The following TFDP2 variants were observed in gnomAD, a reference collection of about 807,000 sequenced individuals.
TFDP2 encodes transcription factor Dp-2.
Under a neutral mutation model 59.3 loss-of-function variants are expected in TFDP2, and 17 were observed. The ratio of observed to expected loss-of-function variants is 0.29; its 90% CI spans 0.20 to 0.43. TFDP2 has a LOEUF of 0.43. TFDP2 is among the 20% of genes least tolerant of loss of function. The pLI, the probability that TFDP2 is intolerant of heterozygous loss-of-function variation, is 1.00. For synonymous variants in TFDP2, 180 were observed against 194.7 expected (o/e 0.92, Z 0.63); for missense variants, 391 against 528.8 (o/e 0.74, Z 2.56).
At chr3:142,063,541 A>G (rs1397183102) in intron 3 of TFDP2, among the ~76,000 whole-genome samples, 1 of 152,242 alleles carries the variant, frequency 6.6e-6, no homozygotes. Flanking sequence ...GTCTGTGTCT[A>G]CATTAATCAA....
intron 1 of TFDP2, among the ~76,000 whole-genome samples, chr3:142,126,982 TAAA>T (rs989899110): frequency 6.7e-6 from 1 of 149,640 alleles, no homozygotes; most frequent in African/African-American, 2.4e-5. Flanking sequence ...AAAATGATGT[TAAA>T]AAGATAAAAA....
In TFDP2 at chr3:141,948,733, CAA is replaced by C. The variant is rs529345628; in HGVS notation, c.*3778_*3779del. On this transcript the variant is annotated 3_prime_UTR_variant, in exon 13 of 13. Transcript: ENST00000489671. ...CTGCTGTCTCTATGACCCAAGTAGC[CAA>C]AAAGAGTTGTGGTTTAGCAAACAGT... 6.6e-6 allele frequency: 1 copy of C among 151,904 alleles called. No homozygotes were observed. The highest frequency in any genetic ancestry group is 2.1e-4 in the South Asian group (1 of 4,816). 9.4% of individuals were successfully genotyped at this position (151,904 alleles called of 1,614,324 possible). A position where few individuals can be genotyped will look rare whatever the true frequency, so the allele number is the denominator to read the frequency against.
chr3:141,962,931 TTTG>T (rs1937530969), intron 10 of TFDP2, among the ~76,000 whole-genome samples: 1 of 152,196 alleles, frequency 6.6e-6, no homozygotes. Context: ...AGGCTGACCT[TTTG>T]TAACAGCAGC....
Position 141,945,017 on chromosome 3 carries a change from G to A in TFDP2, c.*7496C>T, listed in dbSNP as rs1370657647. ...GGCACCACGATGTATCCTTCATGCA[G>A]AAAAAAGGAGAACTATATTTTCTGG... On this transcript the variant is annotated 3_prime_UTR_variant, in exon 13 of 13. Coordinates refer to ENST00000489671, the MANE Select transcript of TFDP2 (RefSeq NM_001178139.2). 6.6e-6 allele frequency: 1 copy of A among 151,960 alleles called. No individual in the cohort carries two copies. Among genetic ancestry groups the A allele is most frequent in the Non-Finnish European group, 1.5e-5 (1 of 67,976 alleles). The allele number at this position is 151,960 out of a possible 1,614,324, so 9.4% of individuals were successfully genotyped here. A position where few individuals can be genotyped will look rare whatever the true frequency, so the allele number is the denominator to read the frequency against.
chr3:141,955,457 A>G lies in TFDP2; in HGVS notation c.1052-2441T>C, dbSNP rs1401866135. On this transcript the variant is annotated intron_variant, in intron 11 of 12. Coordinates refer to ENST00000489671, the MANE Select transcript of TFDP2 (RefSeq NM_001178139.2). Reference sequence around the variant, plus strand: ...TTATTCAGATTCTGCTGGCCTTCCAATGACACAGCAGGACCCAGGCTGGAG... The same window carrying G: ...TTATTCAGATTCTGCTGGCCTTCCAGTGACACAGCAGGACCCAGGCTGGAG... 3.9e-5 allele frequency among the ~76,000 whole-genome samples: 6 copies of G among 152,322 alleles called. No individual in the cohort carries two copies. In the East Asian group the frequency reaches 9.6e-4, roughly 24 times the overall value.
chr3:142,007,333 G>A (rs144896433), intron 3 of TFDP2, among the ~76,000 whole-genome samples: 12 of 152,226 alleles, frequency 7.9e-5, no homozygotes, highest in African/African-American at 2.9e-4. Context: ...ATATGACTGA[G>A]CCCTCTTATA....
rs995664269 is a variant in TFDP2 at position 141,998,037 on chromosome 3, A to C, written c.187-2896T>G. The stretch of plus-strand genomic sequence containing the variant: ...GGCTGATCGGAGAGTGATTAGCAAC[A>C]CTCTGCTCCTTTCTCTTAGCACAGG... On this transcript the variant is annotated intron_variant, in intron 4 of 12. Coordinates refer to ENST00000489671, the MANE Select transcript of TFDP2 (RefSeq NM_001178139.2). Among the ~76,000 whole-genome samples the C allele has an allele frequency of 4.6e-5, 7 of 152,022 alleles. No individual in the cohort carries two copies. In the East Asian group the frequency reaches 1.4e-3, roughly 29 times the overall value.
chr3:141,956,097 C>T (rs898289433), intron 11 of TFDP2, among the ~76,000 whole-genome samples: 3 of 152,056 alleles, frequency 2.0e-5, no homozygotes, highest in Non-Finnish European at 2.9e-5. Context: ...CGTAAGCCAC[C>T]GCACCCAACC....
At chr3:142,017,017 T>G (rs1176080196) in intron 3 of TFDP2, among the ~76,000 whole-genome samples, 1 of 152,236 alleles carries the variant, frequency 6.6e-6, no homozygotes, top group African/African-American at 2.4e-5. Context: ...TCATGGCCTT[T>G]GTCCTTCAAG....
At chr3:142,130,659 C>T (rs369143693) in intron 1 of TFDP2, among the ~76,000 whole-genome samples, 2 of 151,880 alleles carry the variant, frequency 1.3e-5, no homozygotes, top group African/African-American at 4.8e-5. Flanking sequence ...ATTGGTACAG[C>T]GTTTCAGTTT....
chr3:141,993,595 A>G lies in TFDP2; in HGVS notation c.309-10T>C. 1.3e-6 allele frequency: 2 copies of G among 1,512,688 alleles called. No individual in the cohort carries two copies. The highest frequency in any genetic ancestry group is 1.8e-6 in the Non-Finnish European group (2 of 1,099,736). 93.7% of individuals were successfully genotyped at this position (1,512,688 alleles called of 1,614,324 possible). A position where few individuals can be genotyped will look rare whatever the true frequency, so the allele number is the denominator to read the frequency against. ...AGCCCGTTTTCTATCACTAAAAAGGAAAAAAGATAGCATAAAAACAATACA... is the reference window on the plus strand; with the variant it reads ...AGCCCGTTTTCTATCACTAAAAAGGGAAAAAGATAGCATAAAAACAATACA... On this transcript the variant is annotated splice_polypyrimidine_tract_variant and intron_variant, in intron 5 of 12. Transcript: ENST00000489671.
At chr3:142,098,922 T>A (rs1404777159) in intron 2 of TFDP2, among the ~76,000 whole-genome samples, 1 of 152,220 alleles carries the variant, frequency 6.6e-6, no homozygotes, top group Admixed American at 6.5e-5. Context: ...TATAAGTCAA[T>A]ACATTCCACT....
intron 1 of TFDP2, among the ~76,000 whole-genome samples, chr3:142,122,275 A>G (rs1577034956): frequency 6.6e-6 from 1 of 152,308 alleles, no homozygotes; most frequent in East Asian, 1.9e-4. Flanking sequence ...CGATAAATTC[A>G]GTGCAAACTT....
intron 3 of TFDP2, among the ~76,000 whole-genome samples, chr3:142,040,714 G>A (rs1006560355): frequency 1.3e-5 from 2 of 152,196 alleles, no homozygotes; most frequent in African/African-American, 4.8e-5. Flanking sequence ...ACAGGTGTGA[G>A]CCATCACGCC....
At chr3:142,127,239 A>G (rs1420610061) in intron 1 of TFDP2, among the ~76,000 whole-genome samples, 5 of 148,124 alleles carry the variant, frequency 3.4e-5, no homozygotes, top group Admixed American at 2.7e-4. Context: ...ACAGGTATCT[A>G]TATCTCACAC....
intron 3 of TFDP2, among the ~76,000 whole-genome samples, chr3:142,086,244 G>C (rs1323515273): frequency 1.3e-5 from 2 of 152,130 alleles, no homozygotes; most frequent in African/African-American, 4.8e-5. Context: ...CACTGCCTCT[G>C]GTCACCAAAA....
In TFDP2 at chr3:142,121,959, G is replaced by C. The variant is rs1004392219; in HGVS notation, c.-92-20118C>G. Among the ~76,000 whole-genome samples, 6 of 152,058 alleles carry C rather than the reference G, an allele frequency of 3.9e-5. No homozygotes were observed. The highest frequency in any genetic ancestry group is 5.9e-5 in the Non-Finnish European group (4 of 68,006). Reference sequence around the variant, plus strand: ...TCAGTTACAGCCACCTGTCTATTAAGACCTCAGAGAACAAGTTCAACCATG... The same window carrying C: ...TCAGTTACAGCCACCTGTCTATTAACACCTCAGAGAACAAGTTCAACCATG... On this transcript the variant is annotated intron_variant, in intron 1 of 12. Transcript: ENST00000489671. This position sits in a 1 kb window ranked among gnomAD's most constrained non-coding sequence, Gnocchi z 4.3.
intron 8 of TFDP2, among the ~76,000 whole-genome samples, chr3:141,971,412 G>A (rs1939723552): frequency 6.7e-6 from 1 of 150,318 alleles, no homozygotes; most frequent in African/African-American, 2.5e-5. Flanking sequence ...AGCCAGGCGT[G>A]TTGGCAGGCG....
chr3:142,089,801 A>C (rs555475501), intron 3 of TFDP2, among the ~76,000 whole-genome samples: 6 of 152,132 alleles, frequency 3.9e-5, no homozygotes, highest in Non-Finnish European at 8.8e-5. Flanking sequence ...TGTGTTTTTT[A>C]GATTCAGTCA....
Sources: allele counts gnomAD v4.1 joint callset (sites outside exome capture counted in the v4.1 genomes callset), GRCh38; gene constraint gnomAD v4.1.1; non-coding constraint Gnocchi (gnomAD v3.1); transcripts MANE v1.5; gene names NCBI Gene and HGNC (gene_info 2026-07-23, HGNC 2026-07-21).